CDH22: variants seen among roughly 807,000 people sequenced by gnomAD.
CDH22 encodes cadherin-22.
A neutral mutation model predicts 58.4 loss-of-function variants in CDH22; 30 were observed. The ratio of observed to expected loss-of-function variants is 0.51; its 90% confidence interval spans 0.38 to 0.70. The LOEUF (loss-of-function observed/expected upper bound fraction) is 0.70, where lower values mean the gene tolerates loss of function less well. Among genes scored for constraint, CDH22 ranks in the 30% least tolerant of loss-of-function variants. The pLI is 0.00. For synonymous variants in CDH22, 513 were observed against 558.2 expected, an observed-to-expected ratio of 0.92 and a Z score of 1.14; for missense variants, 1,014 against 1,233.9, an observed-to-expected ratio of 0.82 and a Z score of 2.67.
At chr20:46,178,511 C>G (rs1158664000) in intron 10 of CDH22, among the ~76,000 whole-genome samples, 1 of 151,744 alleles carries the variant, frequency 6.6e-6, no homozygotes, top group Non-Finnish European at 1.5e-5. Flanking sequence ...AGATTTTGTC[C>G]TCAGCTGTGC....
At chr20:46,198,323 C>T (rs1568655262) in intron 8 of CDH22, among the ~76,000 whole-genome samples, 1 of 151,084 alleles carries the variant, frequency 6.6e-6, no homozygotes, top group East Asian at 1.9e-4. Context: ...CACACACACA[C>T]ACACACACAT....
intron 10 of CDH22, among the ~76,000 whole-genome samples, chr20:46,180,310 A>G (rs1001746071): frequency 1.3e-5 from 2 of 152,288 alleles, no homozygotes; most frequent in African/African-American, 2.4e-5. Context: ...ACCTCAGCCA[A>G]ACAGAAGCAA....
intron 1 of CDH22, among the ~76,000 whole-genome samples, chr20:46,290,685 G>T (rs1755660902): frequency 6.6e-6 from 1 of 152,188 alleles, no homozygotes; most frequent in South Asian, 2.1e-4. Context: ...TAAGGGAGAG[G>T]AAGGGGGTTA....
intron 5 of CDH22, among the ~76,000 whole-genome samples, chr20:46,213,623 A>C (rs1388630134): frequency 6.6e-6 from 1 of 152,226 alleles, no homozygotes; most frequent in Non-Finnish European, 1.5e-5. Flanking sequence ...CAACTAACTT[A>C]GATGATGACG....
intron 3 of CDH22, among the ~76,000 whole-genome samples, chr20:46,237,962 C>G: frequency 6.6e-6 from 1 of 152,184 alleles, no homozygotes; most frequent in East Asian, 1.9e-4. Context: ...TACCATTAGT[C>G]CTGCCACCTC....
chr20:46,183,496 G>A (rs1471361103), intron 10 of CDH22, among the ~76,000 whole-genome samples: 2 of 152,082 alleles, frequency 1.3e-5, no homozygotes, highest in Admixed American at 6.5e-5. Context: ...TGGTGCGATC[G>A]TGGCTCAATG....
At chr20:46,236,544 A>C (rs2086253376) in intron 3 of CDH22, among the ~76,000 whole-genome samples, 1 of 142,944 alleles carries the variant, frequency 7.0e-6, no homozygotes, top group Admixed American at 7.2e-5. Flanking sequence ...TTTATATATA[A>C]ATATATAAAT....
At chr20:46,306,935 C>T (rs2086680488) in intron 1 of CDH22, among the ~76,000 whole-genome samples, 1 of 152,114 alleles carries the variant, frequency 6.6e-6, no homozygotes, top group South Asian at 2.1e-4. Flanking sequence ...AGTGGTGATG[C>T]TGATATAGGG....
chr20:46,238,759 T>C (rs1015045737), intron 3 of CDH22, among the ~76,000 whole-genome samples: 3 of 152,234 alleles, frequency 2.0e-5, no homozygotes, highest in African/African-American at 7.2e-5. Flanking sequence ...ACACCTCCAC[T>C]GGTACCATCT....
At chr20:46,254,358 C>G (rs2086396028) in intron 1 of CDH22, among the ~76,000 whole-genome samples, 1 of 151,900 alleles carries the variant, frequency 6.6e-6, no homozygotes, top group South Asian at 2.1e-4. Flanking sequence ...AGTTCGAGAC[C>G]AGCCAGGTAA....
At chr20:46,298,188 G>T (rs1305149053) in intron 1 of CDH22, among the ~76,000 whole-genome samples, 1 of 151,844 alleles carries the variant, frequency 6.6e-6, no homozygotes, top group African/African-American at 2.4e-5. Flanking sequence ...CTTCTGTTCT[G>T]TCCTGGAAAT....
At chr20:46,291,472 C>A (rs2086602417) in intron 1 of CDH22, among the ~76,000 whole-genome samples, 1 of 152,228 alleles carries the variant, frequency 6.6e-6, no homozygotes, top group Non-Finnish European at 1.5e-5. Flanking sequence ...GCAAAGGGGT[C>A]AGGTAAGTTG....
chr20:46,195,628 C>G (rs2085894547), intron 8 of CDH22, among the ~76,000 whole-genome samples: 1 of 151,422 alleles, frequency 6.6e-6, no homozygotes, highest in African/African-American at 2.4e-5. Context: ...CCCCCCCACC[C>G]AGTCTCTTTG....
intron 8 of CDH22, among the ~76,000 whole-genome samples, chr20:46,196,991 C>T (rs1312253534): frequency 6.6e-6 from 1 of 152,052 alleles, no homozygotes; most frequent in African/African-American, 2.4e-5. Flanking sequence ...AGGGGGGTCT[C>T]GAGCCCAGTG....
At chr20:46,185,479 G>A (rs972918115) in intron 10 of CDH22, among the ~76,000 whole-genome samples, 3 of 152,096 alleles carry the variant, frequency 2.0e-5, no homozygotes, top group African/African-American at 7.2e-5. Flanking sequence ...CCCTGGGCAG[G>A]ACTCTTTCTC....
At chr20:46,242,315 T>C (rs542895054) in intron 2 of CDH22, among the ~76,000 whole-genome samples, 20 of 152,280 alleles carry the variant, frequency 1.3e-4, no homozygotes, top group African/African-American at 4.6e-4. Flanking sequence ...TCCCATTCCA[T>C]CTAAAGCCTC....
Position 46,178,069 on chromosome 20 carries a change from G to T in CDH22, c.1792C>A (p.Arg598Ser). The T allele has an allele frequency of 6.2e-7, 1 of 1,614,098 alleles. No homozygotes were observed. Among genetic ancestry groups the T allele is most frequent in the South Asian group, 1.1e-5 (1 of 91,080 alleles). The stretch of plus-strand genomic sequence containing the variant: ...CCGGAGCTGTCGCAGCCACAGATGC[G>T]GATGGTGAGCGTGCCTGTGCTGCTC... ...TLSSTGTLTI[R>S]ICGCDSSGTI... Residue 598 changes from arginine to serine, a missense_variant, in exon 11 of 12, where the codon CGC (arginine) becomes AGC (serine). This residue lies in a region of CDH22 where 806 missense variants were observed against 1,038.7 expected (regional missense o/e 0.78). Transcript: ENST00000537909.
At chr20:46,236,127 C>G (rs542341765) in intron 3 of CDH22, among the ~76,000 whole-genome samples, 1 of 152,104 alleles carries the variant, frequency 6.6e-6, no homozygotes, top group African/African-American at 2.4e-5. Flanking sequence ...CTTCTTGTAG[C>G]TTAGTGGTTG....
rs139209614 is a variant in CDH22 at position 46,280,279 on chromosome 20, G to C, written c.-400+27976C>G. On this transcript the variant is annotated intron_variant, in intron 1 of 11. Transcript: ENST00000537909. ...TACTAAAAATACAAGAATTAGCTAG[G>C]TGTGGTGGTGTGGGCCTGTAGTCCC... Among the ~76,000 whole-genome samples, 1,301 of 152,310 alleles carry C rather than the reference G, an allele frequency of 8.5e-3. 18 individuals are homozygous for C. The highest frequency in any genetic ancestry group is 0.025 in the Admixed American group (377 of 15,304).
Sources: gnomAD v4.1 joint callset for allele counts (sites outside exome capture counted in the v4.1 genomes callset) on GRCh38, gnomAD v4.1.1 for gene constraint, gnomAD v4.1.1 regional missense constraint, MANE v1.5 for transcripts, NCBI Gene and HGNC (gene_info 2026-07-23, HGNC 2026-07-21) for gene names.